DOCK1: variants seen among roughly 807,000 people sequenced by gnomAD.
DOCK1 encodes dedicator of cytokinesis 1, also known as dedicator of cytokinesis protein 1.
In DOCK1, 138 loss-of-function variants were observed where a neutral mutation model predicts 262.7. That is an observed-to-expected ratio of 0.53 (90% confidence interval 0.46 to 0.61). DOCK1 has a LOEUF of 0.61. Ranked by LOEUF, DOCK1 falls within the 20% of genes least tolerant of loss-of-function variation. DOCK1 has a pLI of 0.00. For synonymous variants in DOCK1, 866 were observed against 867.4 expected, an observed-to-expected ratio of 1.00 and a Z score of 0.03; for missense variants, 1,908 against 2,370.7, an observed-to-expected ratio of 0.80 and a Z score of 4.05.
intron 29 of DOCK1, among the ~76,000 whole-genome samples, chr10:127,277,541 T>C (rs1184749294): frequency 1.3e-5 from 2 of 152,240 alleles, no homozygotes; most frequent in African/African-American, 4.8e-5. Context: ...GTGGATCACC[T>C]GAGGTCAGGA....
At chr10:127,128,595 G>A (rs879887276) in intron 27 of DOCK1, among the ~76,000 whole-genome samples, 1 of 152,032 alleles carries the variant, frequency 6.6e-6, no homozygotes, top group Non-Finnish European at 1.5e-5. Flanking sequence ...CTGTGTGCAT[G>A]TATTCTCATT....
chr10:127,305,424 C>A (rs755500700), intron 29 of DOCK1, among the ~76,000 whole-genome samples: 43 of 152,122 alleles, frequency 2.8e-4, no homozygotes, highest in Non-Finnish European at 5.4e-4. Flanking sequence ...GGACTTGCTT[C>A]CCTGGAAATC....
intron 13 of DOCK1, among the ~76,000 whole-genome samples, chr10:127,020,285 AT>A (rs1190965793): frequency 6.6e-6 from 1 of 152,210 alleles, no homozygotes. Context: ...GGATGAAGCA[AT>A]TGGCAATATG....
chr10:127,213,234 G>A (rs1170514203), intron 27 of DOCK1, among the ~76,000 whole-genome samples: 4 of 152,224 alleles, frequency 2.6e-5, no homozygotes. Flanking sequence ...ACAGTACTTG[G>A]AAGTTAAGTG....
At chr10:126,979,528 G>T (rs973357960) in intron 3 of DOCK1, among the ~76,000 whole-genome samples, 1 of 152,118 alleles carries the variant, frequency 6.6e-6, no homozygotes, top group Non-Finnish European at 1.5e-5. Context: ...CAGGCAAGCT[G>T]TTCCTTTTTC....
intron 37 of DOCK1, among the ~76,000 whole-genome samples, chr10:127,382,508 G>T: frequency 6.6e-6 from 1 of 152,202 alleles, no homozygotes; most frequent in Admixed American, 6.5e-5. Context: ...TTGTCCTCCT[G>T]AGGCTGGCTG....
chr10:126,972,418 G>T (rs1258494988), intron 2 of DOCK1, among the ~76,000 whole-genome samples: 1 of 152,158 alleles, frequency 6.6e-6, no homozygotes, highest in Non-Finnish European at 1.5e-5. Flanking sequence ...TTCAGATCTG[G>T]AGGTTTTGGT....
intron 1 of DOCK1, among the ~76,000 whole-genome samples, chr10:126,957,700 G>A (rs1008273019): frequency 3.3e-5 from 5 of 152,082 alleles, no homozygotes; most frequent in African/African-American, 1.2e-4. Context: ...GGCTGGTTTC[G>A]ATCTCATGGG....
intron 29 of DOCK1, among the ~76,000 whole-genome samples, chr10:127,293,704 A>C (rs1050295552): frequency 6.6e-6 from 1 of 152,328 alleles, no homozygotes; most frequent in Non-Finnish European, 1.5e-5. Flanking sequence ...ACCCCTCTGA[A>C]GCCAGGCAGC....
chr10:127,210,447 A>T (rs2057926581), intron 27 of DOCK1, among the ~76,000 whole-genome samples: 1 of 152,260 alleles, frequency 6.6e-6, no homozygotes, highest in African/African-American at 2.4e-5. Context: ...ATGATAATGC[A>T]GTCAGAGGAG....
At chr10:127,220,013 C>T (rs2134426478) in intron 27 of DOCK1, among the ~76,000 whole-genome samples, 1 of 152,206 alleles carries the variant, frequency 6.6e-6, no homozygotes, top group East Asian at 1.9e-4. Flanking sequence ...TATCCTCCAT[C>T]CTTCACAGAG....
intron 46 of DOCK1, 82 bp downstream of exon 46, chr10:127,419,831 C>A: frequency 7.1e-7 from 1 of 1,417,088 alleles, no homozygotes; most frequent in African/African-American, 1.4e-5. Context: ...CACCAGCCAG[C>A]ATGGAGGTCC....
intron 29 of DOCK1, among the ~76,000 whole-genome samples, chr10:127,277,151 G>A (rs561121789): frequency 5.6e-4 from 86 of 152,236 alleles, no homozygotes; most frequent in Non-Finnish European, 1.1e-3. Context: ...ACTCTCAAGA[G>A]CAGCAGTGAT....
intron 23 of DOCK1, among the ~76,000 whole-genome samples, chr10:127,090,512 A>G (rs915868407): frequency 5.3e-5 from 8 of 151,970 alleles, no homozygotes; most frequent in African/African-American, 1.7e-4. Context: ...GGTAAAATAC[A>G]TATAACATAA....
In DOCK1 at chr10:127,110,551, A is replaced by T. The variant is rs1377264159; in HGVS notation, c.2623+197A>T. On this transcript the variant is annotated intron_variant, in intron 25 of 51. Transcript: ENST00000623213. ...AATGCAGGTAATAGATCATTGAGAAATGAAGGCAAAAGCTCGTAGTTTGTA... is the reference window on the plus strand; with the variant it reads ...AATGCAGGTAATAGATCATTGAGAATTGAAGGCAAAAGCTCGTAGTTTGTA... Among the ~76,000 whole-genome samples, 3 of 152,234 alleles carry T rather than the reference A, an allele frequency of 2.0e-5. No homozygotes were observed. In the East Asian group the frequency reaches 5.8e-4, roughly 29 times the overall value.
intron 29 of DOCK1, among the ~76,000 whole-genome samples, chr10:127,316,083 C>T (rs1165612805): frequency 1.3e-5 from 2 of 152,122 alleles, no homozygotes; most frequent in Non-Finnish European, 2.9e-5. Flanking sequence ...TGTTGATACA[C>T]GTAGTGAAGT....
intron 30 of DOCK1, among the ~76,000 whole-genome samples, chr10:127,339,638 T>TGTGTGTGTGTGC (rs1430625225): frequency 2.0e-5 from 3 of 151,294 alleles, no homozygotes; most frequent in African/African-American, 7.3e-5. Context: ...TGTGTGTGTG[T>TGTGTGTGTGTGC]GTGTGTGTGT....
chr10:127,058,116 A>G (rs550748000), intron 22 of DOCK1, among the ~76,000 whole-genome samples: 19 of 151,398 alleles, frequency 1.3e-4, no homozygotes, highest in East Asian at 5.8e-4. Flanking sequence ...CTTCAAAAGG[A>G]TCACGGCAAA....
chr10:127,199,836 T>C lies in DOCK1; in HGVS notation c.2848-48172T>C, dbSNP rs2057374038. Among the ~76,000 whole-genome samples the C allele has an allele frequency of 2.0e-5, 3 of 152,224 alleles. 1 individual carries two copies. The highest frequency in any genetic ancestry group is 4.1e-4 in the South Asian group (2 of 4,834). The stretch of plus-strand genomic sequence containing the variant: ...CTCATTTGTCTGAGCATCATCACTG[T>C]GTCATTGCAATGTCCACATGCATGC... On this transcript the variant is annotated intron_variant, in intron 27 of 51. Coordinates refer to ENST00000623213, the MANE Select transcript of DOCK1 (RefSeq NM_001290223.2).
Sources: allele counts gnomAD v4.1 joint callset (sites outside exome capture counted in the v4.1 genomes callset), GRCh38; gene constraint gnomAD v4.1.1; transcripts MANE v1.5; gene names NCBI Gene and HGNC (gene_info 2026-07-23, HGNC 2026-07-21).